The following GTF3C4 variants were observed in gnomAD, a reference collection of about 807,000 sequenced individuals.
GTF3C4 encodes the protein general transcription factor 3C polypeptide 4.
GTF3C4 carries 28 observed loss-of-function variants against 67.5 expected under a neutral mutation model. The ratio of observed to expected loss-of-function variants is 0.41; its 90% CI spans 0.31 to 0.57. GTF3C4 has a LOEUF of 0.57. Among genes scored for constraint, GTF3C4 ranks in the 20% least tolerant of loss-of-function variants. The pLI is 0.21. For missense variants in GTF3C4, 831 were observed against 1,033.2 expected (o/e 0.80, Z 2.68); for synonymous variants, 409 against 393.0 (o/e 1.04, Z -0.48).
intron 3 of GTF3C4, among the ~76,000 whole-genome samples, chr9:132,685,966 T>C (rs1025134356): frequency 3.3e-5 from 5 of 152,224 alleles, no homozygotes; most frequent in African/African-American, 9.6e-5. Flanking sequence ...AAATTAATGA[T>C]GCAAGAAGAG....
At position 132,670,690 on chromosome 9, in the gene GTF3C4, G is replaced by A. The variant is rs984605635; in HGVS notation, c.92G>A (p.Gly31Asp). The change falls in exon 1 of 5, where the codon GGC becomes GAC. Residue 31 changes from glycine to aspartate, a missense_variant. Gly to Asp is a moderately conservative substitution (Grantham distance 94). Around this residue, in one of 4 missense-constraint regions of GTF3C4, gnomAD observed 237 missense variants for 212.7 expected, o/e 1.11. Transcript: ENST00000372146. The stretch of plus-strand genomic sequence containing the variant: ...GAGGGAGAGGGGGGCGGCGAGGCGG[G>A]CGGGAAGGAGCCAGCAGCGGACGCG... ...EEEGEGGGEAGGKEPAADAAP... is the reference protein window; with the variant it reads ...EEEGEGGGEADGKEPAADAAP... 1 of 1,514,802 alleles carries A rather than the reference G, an allele frequency of 6.6e-7. No homozygotes were observed. The highest frequency in any genetic ancestry group is 8.8e-7 in the Non-Finnish European group (1 of 1,138,874). The allele number at this position is 1,514,802 out of a possible 1,614,324, so 93.8% of individuals were successfully genotyped here. A position where few individuals can be genotyped will look rare whatever the true frequency, so the allele number is the denominator to read the frequency against.
Position 132,670,746 on chromosome 9 carries a change from A to T in GTF3C4, c.148A>T (p.Met50Leu). 1 of 1,555,706 alleles carries T rather than the reference A, an allele frequency of 6.4e-7. No individual in the cohort carries two copies. Among genetic ancestry groups the T allele is most frequent in the Non-Finnish European group, 8.6e-7 (1 of 1,157,312 alleles). ...APGPSAAFRLMVTRREPAVKL... is the reference protein window; with the variant it reads ...APGPSAAFRLLVTRREPAVKL... ...GGGGCCCAGCGCTGCATTCCGCCTC[A>T]TGGTGACTCGGCGGGAGCCGGCCGT... Residue 50 changes from methionine to leucine, a missense_variant, in exon 1 of 5, where the codon ATG (methionine) becomes TTG (leucine). Met to Leu is a conservative substitution (Grantham distance 15, BLOSUM62 2). Around this residue, in one of 4 missense-constraint regions of GTF3C4, gnomAD observed 237 missense variants for 212.7 expected, o/e 1.11. Coordinates refer to ENST00000372146, the MANE Select transcript of GTF3C4 (RefSeq NM_012204.4).
intron 1 of GTF3C4, among the ~76,000 whole-genome samples, chr9:132,677,343 G>A (rs1470646083): frequency 6.6e-6 from 1 of 152,188 alleles, no homozygotes; most frequent in Non-Finnish European, 1.5e-5. Flanking sequence ...TGGGGTTTGC[G>A]GTGAGCCGAG....
Position 132,679,743 on chromosome 9 carries a change from C to T in GTF3C4, c.2124C>T (p.Pro708=). The T allele has an allele frequency of 2.5e-6, 4 of 1,613,846 alleles. No individual in the cohort carries two copies. Among genetic ancestry groups the T allele is most frequent in the Non-Finnish European group, 2.5e-6 (3 of 1,179,798 alleles). The change falls in exon 2 of 5, where the codon CCC becomes CCT. Residue 708 remains proline (P), a synonymous_variant. Coordinates refer to ENST00000372146, the MANE Select transcript of GTF3C4 (RefSeq NM_012204.4). This position sits in a 1 kb window ranked among gnomAD's most constrained non-coding sequence, Gnocchi z 5.9. ...GGATCACAGAAAACACTAGCATCCCCACCCGCGGACTCTGTAACTTTTTAA... is the reference window on the plus strand; with the variant it reads ...GGATCACAGAAAACACTAGCATCCCTACCCGCGGACTCTGTAACTTTTTAA... The part of the protein sequence containing the change: ...HTWITENTSI[P]TRGLCNFLMS...
In GTF3C4 at chr9:132,694,107, T is replaced by C. The variant is rs1836160516; in HGVS notation, c.*5162T>C. 1.3e-5 allele frequency: 2 copies of C among 152,286 alleles called. No individual in the cohort carries two copies. The highest frequency in any genetic ancestry group is 2.1e-4 in the South Asian group (1 of 4,828). 9.4% of individuals were successfully genotyped at this position (152,286 alleles called of 1,614,324 possible). On this transcript the variant is annotated 3_prime_UTR_variant, in exon 5 of 5. Coordinates refer to ENST00000372146, the MANE Select transcript of GTF3C4 (RefSeq NM_012204.4). The stretch of plus-strand genomic sequence containing the variant: ...ATTAGGTGGAATGTTTTATAGACTT[T>C]TGGTGTTGAAAAAAAAAAGTTTGAT...
In GTF3C4 at chr9:132,694,797, G is replaced by A. The variant is rs1468640393; in HGVS notation, c.*5852G>A. The A allele has an allele frequency of 6.6e-6, 1 of 152,172 alleles. No homozygotes were observed. Among genetic ancestry groups the A allele is most frequent in the Non-Finnish European group, 1.5e-5 (1 of 68,040 alleles). The allele number at this position is 152,172 out of a possible 1,614,324, so 9.4% of individuals were successfully genotyped here. A position where few individuals can be genotyped will look rare whatever the true frequency, so the allele number is the denominator to read the frequency against. On this transcript the variant is annotated 3_prime_UTR_variant, in exon 5 of 5. Coordinates refer to ENST00000372146, the MANE Select transcript of GTF3C4 (RefSeq NM_012204.4). ...ATTGCTTACATGATTCTGGTACTTA[G>A]AGTCTAATAGAGTTGCTGTGAATAT...
chr9:132,688,842 C>T lies in GTF3C4; in HGVS notation c.2405-39C>T, dbSNP rs369368144. ...ATTCATCCCTTTTGACTGTCTTTTC[C>T]GAAGCTAACAGTTGATACCACTTGT... is the stretch of plus-strand genomic sequence containing the variant. On this transcript the variant is annotated intron_variant, in intron 4 of 4. Transcript: ENST00000372146. The T allele has an allele frequency of 3.1e-5, 47 of 1,498,172 alleles. No individual in the cohort carries two copies. The highest frequency in any genetic ancestry group is 3.8e-5 in the Non-Finnish European group (41 of 1,074,326). 92.8% of individuals were successfully genotyped at this position (1,498,172 alleles called of 1,614,324 possible). A position where few individuals can be genotyped will look rare whatever the true frequency, so the allele number is the denominator to read the frequency against.
intron 3 of GTF3C4, among the ~76,000 whole-genome samples, chr9:132,687,032 C>A (rs540478106): frequency 1.3e-5 from 2 of 152,256 alleles, no homozygotes; most frequent in South Asian, 4.1e-4. Flanking sequence ...GGATTAGAAC[C>A]GTTGTGTCTC....
At chr9:132,683,129 T>C (rs1363031721) in intron 2 of GTF3C4, among the ~76,000 whole-genome samples, 1 of 152,226 alleles carries the variant, frequency 6.6e-6, no homozygotes, top group Non-Finnish European at 1.5e-5. Flanking sequence ...GAGAGCAGTA[T>C]TCCACATAAT....
intron 3 of GTF3C4, 124 bp from the exon 4 acceptor site, chr9:132,687,115 G>A (rs544924165): frequency 5.4e-6 from 4 of 734,392 alleles, no homozygotes; most frequent in Admixed American, 3.6e-5. Flanking sequence ...GAATGTATGA[G>A]TATCATGCTT....
At chr9:132,688,546 A>T (rs897944981) in intron 4 of GTF3C4, among the ~76,000 whole-genome samples, 3 of 152,236 alleles carry the variant, frequency 2.0e-5, no homozygotes, top group Non-Finnish European at 4.4e-5. Flanking sequence ...TTATGAGAGA[A>T]TATTTTAACA....
chr9:132,672,633 C>G (rs1246801089), intron 1 of GTF3C4, among the ~76,000 whole-genome samples: 13 of 152,114 alleles, frequency 8.5e-5, no homozygotes. Context: ...TGGCTTCAAT[C>G]TAGGAAGTCT....
Position 132,679,747 on chromosome 9 carries a change from C to G in GTF3C4, c.2128C>G (p.Arg710Gly), listed in dbSNP as rs528646416. 6 of 1,613,818 alleles carry G rather than the reference C, an allele frequency of 3.7e-6. No individual in the cohort carries two copies. Among genetic ancestry groups the G allele is most frequent in the Non-Finnish European group, 5.1e-6 (6 of 1,179,768 alleles). ...CACAGAAAACACTAGCATCCCCACCCGCGGACTCTGTAACTTTTTAATGTC... is the reference window on the plus strand; with the variant it reads ...CACAGAAAACACTAGCATCCCCACCGGCGGACTCTGTAACTTTTTAATGTC... ...WITENTSIPT[R>G]GLCNFLMSDE... The change falls in exon 2 of 5, where the codon CGC becomes GGC. Residue 710 changes from arginine to glycine, a missense_variant. By Grantham distance (125) the Arg-to-Gly change is moderately radical. This residue lies in a region of GTF3C4 where 129 missense variants were observed against 213.8 expected (regional missense o/e 0.60). Coordinates refer to ENST00000372146, the MANE Select transcript of GTF3C4 (RefSeq NM_012204.4). The surrounding 1 kb of genome is among the most constrained non-coding windows in gnomAD (Gnocchi z 5.9).
chr9:132,686,045 C>G (rs148214584), intron 3 of GTF3C4, among the ~76,000 whole-genome samples: 242 of 152,326 alleles, frequency 1.6e-3, no homozygotes, highest in African/African-American at 5.5e-3. Flanking sequence ...TTTACCAGGG[C>G]CAGGCAAATA....
chr9:132,683,983 A>G (rs1014985657), intron 3 of GTF3C4, among the ~76,000 whole-genome samples: 1 of 152,122 alleles, frequency 6.6e-6, no homozygotes, highest in Non-Finnish European at 1.5e-5. Context: ...GCCTCACTCT[A>G]AGACCTTGGT....
At chr9:132,684,601 C>T (rs1395599025) in intron 3 of GTF3C4, among the ~76,000 whole-genome samples, 2 of 152,222 alleles carry the variant, frequency 1.3e-5, no homozygotes, top group African/African-American at 4.8e-5. Flanking sequence ...CCGCTGACCT[C>T]ATCTGCTGTA....
chr9:132,678,399 G>C lies in GTF3C4; in HGVS notation c.780G>C (p.Gln260His). ...RMEWSGICTT[Q>H]QVKHNNECRD... ...AGTGGTCGGGCATCTGTACCACCCA[G>C]CAGGTCAAGCATAACAACGAATGCC... Residue 260 changes from glutamine to histidine, a missense_variant, in exon 2 of 5, where the codon CAG becomes CAC. Gln to His is a conservative substitution (Grantham distance 24). Coordinates refer to ENST00000372146, the MANE Select transcript of GTF3C4 (RefSeq NM_012204.4). This position sits in a 1 kb window ranked among gnomAD's most constrained non-coding sequence, Gnocchi z 6.5. 6.2e-7 allele frequency: 1 copy of C among 1,614,246 alleles called. No homozygotes were observed. The highest frequency in any genetic ancestry group is 8.5e-7 in the Non-Finnish European group (1 of 1,180,046).
rs773331846 is a variant in GTF3C4, at chr9:132,683,657, A to G, written c.2279A>G (p.Lys760Arg). 1.9e-6 allele frequency: 3 copies of G among 1,612,956 alleles called. No homozygotes were observed. The highest frequency in any genetic ancestry group is 2.7e-5 in the African/African-American group (2 of 74,902). Residue 760 changes from lysine to arginine, a missense_variant, in exon 3 of 5, where the codon AAA becomes AGA. By Grantham distance (26) the Lys-to-Arg change is conservative. Transcript: ENST00000372146. ...CKEILPFTDR[K>R]QAVCSNGHIW... ...GAGATCTTGCCATTCACAGATCGCA[A>G]ACAGGCAGTCTGTTCCAATGGCCAC...
rs572775646 is a variant in GTF3C4, at chr9:132,672,511, T to A, written c.357+1556T>A. 5.9e-5 allele frequency among the ~76,000 whole-genome samples: 9 copies of A among 152,310 alleles called. No homozygotes were observed. In the South Asian group the frequency reaches 1.0e-3, roughly 18 times the overall value. Reference sequence around the variant, plus strand: ...ACGTTTAAGTCATGAACATAATTAATTATTGTTTGTATAATGACGGATCAG... The same window carrying A: ...ACGTTTAAGTCATGAACATAATTAAATATTGTTTGTATAATGACGGATCAG... On this transcript the variant is annotated intron_variant, in intron 1 of 4. Coordinates refer to ENST00000372146, the MANE Select transcript of GTF3C4 (RefSeq NM_012204.4).
Sources: gnomAD v4.1 joint callset for allele counts (sites outside exome capture counted in the v4.1 genomes callset) on GRCh38, gnomAD v4.1.1 for gene constraint, gnomAD v4.1.1 regional missense constraint, Gnocchi (gnomAD v3.1) non-coding constraint, MANE v1.5 for transcripts, NCBI Gene and HGNC (gene_info 2026-07-23, HGNC 2026-07-21) for gene names.